The following PLEKHA8 variants were observed in gnomAD, a reference collection of about 807,000 sequenced individuals.
The protein encoded by PLEKHA8 is pleckstrin homology domain-containing family A member 8.
In PLEKHA8, 36 loss-of-function variants were observed where a neutral mutation model predicts 68.2. That is an observed-to-expected ratio of 0.53 (90% confidence interval 0.40 to 0.70). PLEKHA8 has a LOEUF of 0.70. PLEKHA8 is among the 30% of genes least tolerant of loss of function. The pLI, the probability that PLEKHA8 is intolerant of heterozygous loss-of-function variation, is 0.00. For synonymous variants in PLEKHA8, 211 were observed against 216.1 expected (o/e 0.98, Z 0.20); for missense variants, 505 against 615.4 (o/e 0.82, Z 1.90).
rs879655642 is a variant in PLEKHA8, at chr7:30,111,625, C to CT, written c.1363-17629dup. On this transcript the variant is annotated intron_variant, in intron 13 of 13. Transcript: ENST00000396257. ...GACATTTATTTTATTACCATTAGGA[C>CT]TTTTTTTTTTTTGAGACAGGGTCTC... 5.3e-3 allele frequency among the ~76,000 whole-genome samples: 763 copies of CT among 143,140 alleles called. 6 individuals carry two copies. Among genetic ancestry groups the CT allele is most frequent in the African/African-American group, 0.016 (643 of 39,468 alleles). The allele number at this position is 143,140 out of a possible 152,430, so 93.9% of individuals were successfully genotyped here.
Position 30,083,637 on chromosome 7 carries a change from A to T in PLEKHA8, c.*4850A>T, listed in dbSNP as rs1406662465. ...TGCTGTTTTTATATAGCCTTTAATT[A>T]AAAGGAAAAAAATACCACTACTCTG... On this transcript the variant is annotated 3_prime_UTR_variant, in exon 14 of 14. Coordinates refer to ENST00000449726, the MANE Select transcript of PLEKHA8 (RefSeq NM_001197026.2). The T allele has an allele frequency of 1.0e-6, 1 of 985,274 alleles. No individual in the cohort carries two copies. The highest frequency in any genetic ancestry group is 1.2e-6 in the Non-Finnish European group (1 of 829,884). 61.0% of individuals were successfully genotyped at this position (985,274 alleles called of 1,614,324 possible). A position where few individuals can be genotyped will look rare whatever the true frequency, so the allele number is the denominator to read the frequency against.
intron 6 of PLEKHA8, 147 bp from the exon 7 acceptor site, chr7:30,052,562 A>G (rs1792500114): frequency 3.3e-6 from 2 of 603,630 alleles, no homozygotes; most frequent in South Asian, 2.9e-5. Context: ...AGGAGGATTG[A>G]TTGAGCCCAG....
chr7:30,030,900 CT>C (rs1047812487), intron 1 of PLEKHA8, among the ~76,000 whole-genome samples: 7 of 151,936 alleles, frequency 4.6e-5, no homozygotes, highest in Middle Eastern at 3.4e-3. Context: ...TAAAAAGTAA[CT>C]TTTTTTTTCT....
At chr7:30,065,134 AG>A (rs1162564660) in intron 12 of PLEKHA8, among the ~76,000 whole-genome samples, 3 of 152,204 alleles carry the variant, frequency 2.0e-5, no homozygotes, top group African/African-American at 7.2e-5. Flanking sequence ...TTGTGAAGAA[AG>A]AGGAGACTTT....
intron 1 of PLEKHA8, among the ~76,000 whole-genome samples, chr7:30,042,374 C>T (rs1791611143): frequency 6.6e-6 from 1 of 152,192 alleles, no homozygotes; most frequent in African/African-American, 2.4e-5. Flanking sequence ...CTGGATAACA[C>T]TCACAAATAC....
At position 30,082,989 on chromosome 7, in the gene PLEKHA8, G is replaced by A. The variant is rs1308605846; in HGVS notation, c.*4202G>A. ...CAGTTGCTTCTGATTTTAGTCACAG[G>A]TTTTACAAGTATTCAGCTCTCCCTC... On this transcript the variant is annotated 3_prime_UTR_variant, in exon 14 of 14. Coordinates refer to ENST00000449726, the MANE Select transcript of PLEKHA8 (RefSeq NM_001197026.2). The A allele has an allele frequency of 1.0e-6, 1 of 985,086 alleles. No individual in the cohort carries two copies. Among genetic ancestry groups the A allele is most frequent in the East Asian group, 1.1e-4 (1 of 8,814 alleles). 61.0% of individuals were successfully genotyped at this position (985,086 alleles called of 1,614,324 possible).
Position 30,079,568 on chromosome 7 carries a change from C to A in PLEKHA8, c.*781C>A, listed in dbSNP as rs1280290142. On this transcript the variant is annotated 3_prime_UTR_variant, in exon 14 of 14. Coordinates refer to ENST00000449726, the MANE Select transcript of PLEKHA8 (RefSeq NM_001197026.2). ...CAATTGGACATCACAAGTAATGATA[C>A]CCAGAGGGATTATTACTCCACTTCA... The A allele has an allele frequency of 9.1e-6, 8 of 878,800 alleles. No individual in the cohort carries two copies. Among genetic ancestry groups the A allele is most frequent in the Non-Finnish European group, 1.1e-5 (8 of 733,006 alleles). The allele number at this position is 878,800 out of a possible 1,614,324, so 54.4% of individuals were successfully genotyped here.
intron 13 of PLEKHA8, among the ~76,000 whole-genome samples, chr7:30,104,713 CTTTTTTTTTTTT>C (rs34669397): frequency 1.5e-4 from 15 of 102,876 alleles, no homozygotes; most frequent in East Asian, 1.3e-3. Context: ...GTCACAACAG[CTTTTTTTTTTTT>C]TTTTTTTTTT....
downstream of PLEKHA8, among the ~76,000 whole-genome samples, chr7:30,086,370 G>T (rs775908700): frequency 1.2e-4 from 18 of 152,182 alleles, no homozygotes; most frequent in Non-Finnish European, 8.8e-5. Flanking sequence ...TCTACCTCTG[G>T]CCTCTCTGTG....
At chr7:30,066,975 G>A (rs1256714434) in intron 12 of PLEKHA8, among the ~76,000 whole-genome samples, 1 of 152,196 alleles carries the variant, frequency 6.6e-6, no homozygotes, top group Non-Finnish European at 1.5e-5. Flanking sequence ...AAAATACTAT[G>A]GAATGTGAAT....
Position 30,045,179 on chromosome 7 carries a change from A to G in PLEKHA8, c.135A>G (p.Gln45=), listed in dbSNP as rs769528949. The change falls in exon 2 of 14, where the codon CAA becomes CAG. Residue 45 remains glutamine, a synonymous_variant. Coordinates refer to ENST00000449726, the MANE Select transcript of PLEKHA8 (RefSeq NM_001197026.2). ...GGAAAGGTTGCAAAGGGAGCATACA[A>G]ATGGCAGTCTGTGAAATTCAAGGTG... ...DAWKGCKGSI[Q]MAVCEIQVHS... The G allele has an allele frequency of 4.4e-6, 7 of 1,606,110 alleles. No individual in the cohort carries two copies. Among genetic ancestry groups the G allele is most frequent in the Non-Finnish European group, 6.0e-6 (7 of 1,175,354 alleles).
chr7:30,111,373 A>G (rs1796269824), intron 13 of PLEKHA8, among the ~76,000 whole-genome samples: 1 of 152,182 alleles, frequency 6.6e-6, no homozygotes, highest in Non-Finnish European at 1.5e-5. Flanking sequence ...ACTTTGTAAC[A>G]AGTTTTGAAA....
chr7:30,041,925 A>G lies in PLEKHA8; in HGVS notation c.41-3160A>G, dbSNP rs550194863. ...TTTTTTTCTTTCTTGTGTCATGTAAAATAATGGTGTGTCTTAAAATTGATG... is the reference window on the plus strand; with the variant it reads ...TTTTTTTCTTTCTTGTGTCATGTAAGATAATGGTGTGTCTTAAAATTGATG... On this transcript the variant is annotated intron_variant, in intron 1 of 13. Transcript: ENST00000449726. 3.3e-5 allele frequency among the ~76,000 whole-genome samples: 5 copies of G among 152,220 alleles called. No homozygotes were observed. The East Asian group carries it at 9.7e-4, about 29-fold the overall frequency.
In PLEKHA8 at chr7:30,083,395, G is replaced by C; in HGVS notation, c.*4608G>C. The C allele has an allele frequency of 1.0e-6, 1 of 983,980 alleles. No homozygotes were observed. The highest frequency in any genetic ancestry group is 4.7e-5 in the South Asian group (1 of 21,246). The allele number at this position is 983,980 out of a possible 1,614,324, so 61.0% of individuals were successfully genotyped here. A position where few individuals can be genotyped will look rare whatever the true frequency, so the allele number is the denominator to read the frequency against. On this transcript the variant is annotated 3_prime_UTR_variant, in exon 14 of 14. Coordinates refer to ENST00000449726, the MANE Select transcript of PLEKHA8 (RefSeq NM_001197026.2). ...TATCTGTATCACAACGTCATTAGGAGTTCTTTCAACAATTCCATAAATATA... is the reference window on the plus strand; with the variant it reads ...TATCTGTATCACAACGTCATTAGGACTTCTTTCAACAATTCCATAAATATA...
At chr7:30,044,516 A>G (rs1791796131) in intron 1 of PLEKHA8, among the ~76,000 whole-genome samples, 1 of 152,242 alleles carries the variant, frequency 6.6e-6, no homozygotes, top group Non-Finnish European at 1.5e-5. Flanking sequence ...TCAATGGATC[A>G]ATACTAAAGA....
intron 13 of PLEKHA8, among the ~76,000 whole-genome samples, chr7:30,114,015 C>T (rs187547406): frequency 1.4e-3 from 215 of 151,896 alleles, no homozygotes; most frequent in Middle Eastern, 3.4e-3. Flanking sequence ...TATCCTGCCT[C>T]ACCCTCCCCA....
intron 8 of PLEKHA8, 106 bp from the exon 9 acceptor site, chr7:30,055,151 G>A (rs989366521): frequency 1.3e-5 from 13 of 1,006,454 alleles, no homozygotes; most frequent in East Asian, 2.4e-5. Flanking sequence ...CAAGTCAAAC[G>A]ATTTGCCCTA....
At chr7:30,127,591 C>A (rs978394345) in intron 13 of PLEKHA8, among the ~76,000 whole-genome samples, 1 of 152,094 alleles carries the variant, frequency 6.6e-6, no homozygotes, top group Non-Finnish European at 1.5e-5. Flanking sequence ...TGAAATAGAC[C>A]GAAAGGTGGA....
intron 13 of PLEKHA8, among the ~76,000 whole-genome samples, chr7:30,076,452 A>C (rs575156725): frequency 6.6e-6 from 1 of 152,340 alleles, no homozygotes; most frequent in East Asian, 1.9e-4. Flanking sequence ...GAATACTAAG[A>C]ACTACAACCA....
Sources: gnomAD v4.1 joint callset for allele counts (sites outside exome capture counted in the v4.1 genomes callset) on GRCh38, gnomAD v4.1.1 for gene constraint, MANE v1.5 for transcripts, NCBI Gene and HGNC (gene_info 2026-07-23, HGNC 2026-07-21) for gene names.